RBFOX1: variants seen among roughly 807,000 people sequenced by gnomAD.
RBFOX1 encodes the protein RNA binding fox-1 homolog 1, also known as RNA binding protein fox-1 homolog 1.
A neutral mutation model predicts 57.7 loss-of-function variants in RBFOX1; 8 were observed. The ratio of observed to expected loss-of-function variants is 0.14; its 90% CI spans 0.08 to 0.25. RBFOX1 has a LOEUF of 0.25. Among genes scored for constraint, RBFOX1 ranks in the 10% least tolerant of loss-of-function variants. RBFOX1 has a pLI of 1.00. For missense variants in RBFOX1, 611 were observed against 548.5 expected (o/e 1.11, Z -1.14); for synonymous variants, 326 against 222.4 (o/e 1.47, Z -4.15).
At chr16:7,374,383 A>C (rs2097645338) in intron 4 of RBFOX1, among the ~76,000 whole-genome samples, 1 of 152,226 alleles carries the variant, frequency 6.6e-6, no homozygotes, top group South Asian at 2.1e-4. Flanking sequence ...CATTCCCCTC[A>C]AATGAATGTG....
chr16:6,397,642 G>C (rs1257745124), intron 2 of RBFOX1, among the ~76,000 whole-genome samples: 1 of 152,214 alleles, frequency 6.6e-6, no homozygotes, highest in African/African-American at 2.4e-5. Context: ...AATATAAAAG[G>C]TTATAATGCT....
chr16:6,861,912 C>A (rs1324034850), intron 3 of RBFOX1, among the ~76,000 whole-genome samples: 1 of 139,188 alleles, frequency 7.2e-6, no homozygotes, highest in Non-Finnish European at 1.5e-5. Context: ...AACAAGAGCT[C>A]TCTCTGGCAC....
intron 1 of RBFOX1, among the ~76,000 whole-genome samples, chr16:5,437,289 C>T (rs113085194): frequency 0.023 from 3,518 of 152,262 alleles, 160 homozygotes; most frequent in African/African-American, 0.081. Context: ...CATTGTCACT[C>T]TGCACAAAAG....
At chr16:5,995,783 GC>G (rs1464094757) in intron 4 of RBFOX1, among the ~76,000 whole-genome samples, 1 of 152,154 alleles carries the variant, frequency 6.6e-6, no homozygotes, top group Non-Finnish European at 1.5e-5. Flanking sequence ...TAGGGAGGGA[GC>G]TTGGGCATTC....
Position 7,514,153 on chromosome 16 carries a change from C to T in RBFOX1, c.28-3994C>T, listed in dbSNP as rs182204375. 2.4e-4 allele frequency among the ~76,000 whole-genome samples: 37 copies of T among 152,276 alleles called. No homozygotes were observed. The South Asian group carries it at 3.1e-3, about 13-fold the overall frequency. ...GATCATTCAGTCTTGGTGGGCTGGG[C>T]AGTCTCTGTCACAGCTATCCAACTC... On this transcript the variant is annotated intron_variant, in intron 4 of 15. Coordinates refer to ENST00000550418, the MANE Select transcript of RBFOX1 (RefSeq NM_018723.4).
intron 1 of RBFOX1, among the ~76,000 whole-genome samples, chr16:6,275,925 G>A (rs188126888): frequency 1.3e-5 from 2 of 152,118 alleles, no homozygotes; most frequent in Non-Finnish European, 2.9e-5. Flanking sequence ...CAGTTGATAC[G>A]TGATGGCAAG....
intron 2 of RBFOX1, among the ~76,000 whole-genome samples, chr16:6,652,487 C>T (rs560106336): frequency 2.0e-5 from 3 of 152,056 alleles, no homozygotes; most frequent in East Asian, 3.9e-4. Flanking sequence ...CTCCCTTTCT[C>T]TCTCTCTCAG....
At chr16:7,490,462 C>G (rs566279583) in intron 4 of RBFOX1, among the ~76,000 whole-genome samples, 1 of 152,264 alleles carries the variant, frequency 6.6e-6, no homozygotes, top group South Asian at 2.1e-4. Flanking sequence ...AATTTTCCAG[C>G]CAGCCAGGCT....
intron 1 of RBFOX1, among the ~76,000 whole-genome samples, chr16:6,138,783 C>G (rs922526094): frequency 3.3e-5 from 5 of 152,194 alleles, no homozygotes; most frequent in African/African-American, 2.4e-5. Flanking sequence ...AGGAGAATCG[C>G]TGGAACCCAG....
In RBFOX1 at chr16:7,388,830, G is replaced by A. The variant is rs369188642; in HGVS notation, c.28-129317G>A. On this transcript the variant is annotated intron_variant, in intron 4 of 15. Transcript: ENST00000550418. ...GTGTTTTGAGCTTCTTTAAGGTAGA[G>A]AAGACAAAGCTATGATGTTCAGTAG... Among the ~76,000 whole-genome samples, 21 of 152,112 alleles carry A rather than the reference G, an allele frequency of 1.4e-4. No individual in the cohort carries two copies. The East Asian group carries it at 3.7e-3, about 27-fold the overall frequency.
intron 3 of RBFOX1, among the ~76,000 whole-genome samples, chr16:6,753,256 G>A (rs1184883828): frequency 6.6e-6 from 1 of 152,188 alleles, no homozygotes; most frequent in Non-Finnish European, 1.5e-5. Context: ...TAAAATGCCA[G>A]TAGTAGAATA....
rs2084228611 is a variant in RBFOX1, at chr16:7,713,041, C to CT, written c.*2296_*2297insT. 6.6e-6 allele frequency: 1 copy of CT among 152,026 alleles called. No individual in the cohort carries two copies. The highest frequency in any genetic ancestry group is 1.5e-5 in the Non-Finnish European group (1 of 68,014). 9.4% of individuals were successfully genotyped at this position (152,026 alleles called of 1,614,324 possible). A position where few individuals can be genotyped will look rare whatever the true frequency, so the allele number is the denominator to read the frequency against. On this transcript the variant is annotated 3_prime_UTR_variant, in exon 16 of 16. Coordinates refer to ENST00000550418, the MANE Select transcript of RBFOX1 (RefSeq NM_018723.4). ...CTTTTGTCTAGGCACTCCAAGATGC[C>CT]AATAAGTCATTTTAAAATGTATGTC...
chr16:6,693,829 A>G (rs2060626485), intron 3 of RBFOX1, among the ~76,000 whole-genome samples: 1 of 152,196 alleles, frequency 6.6e-6, no homozygotes, highest in East Asian at 1.9e-4. Flanking sequence ...CTCCACTACC[A>G]TCACCACCAT....
chr16:6,125,201 G>C (rs1471538325), intron 1 of RBFOX1, among the ~76,000 whole-genome samples: 1 of 152,118 alleles, frequency 6.6e-6, no homozygotes, highest in Non-Finnish European at 1.5e-5. Flanking sequence ...TCATATCTTT[G>C]TCAAGCCCCC....
At chr16:7,183,244 A>G (rs1181968395) in intron 4 of RBFOX1, among the ~76,000 whole-genome samples, 2 of 152,276 alleles carry the variant, frequency 1.3e-5, no homozygotes, top group East Asian at 1.9e-4. Flanking sequence ...GGGGAGAAAA[A>G]GAAGCCATGG....
At chr16:6,431,109 G>C (rs914377787) in intron 2 of RBFOX1, among the ~76,000 whole-genome samples, 24 of 152,054 alleles carry the variant, frequency 1.6e-4, no homozygotes, top group Non-Finnish European at 3.1e-4. Flanking sequence ...TTGCACTGCA[G>C]TCTGGGTGAC....
chr16:7,137,829 G>T (rs1379034400), intron 4 of RBFOX1, among the ~76,000 whole-genome samples: 1 of 152,220 alleles, frequency 6.6e-6, no homozygotes, highest in Non-Finnish European at 1.5e-5. Flanking sequence ...GCAAATGTAT[G>T]TGCACAGGCT....
intron 4 of RBFOX1, among the ~76,000 whole-genome samples, chr16:7,270,407 A>G (rs1188239967): frequency 6.6e-6 from 1 of 152,234 alleles, no homozygotes; most frequent in East Asian, 1.9e-4. Context: ...TAAAAAAAAC[A>G]TCTAACAATG....
chr16:5,352,318 A>C (rs151244963), intron 1 of RBFOX1, among the ~76,000 whole-genome samples: 1 of 152,202 alleles, frequency 6.6e-6, no homozygotes, highest in African/African-American at 2.4e-5. Context: ...GTTCACATAC[A>C]TTTAACCTAT....
Sources: allele counts gnomAD v4.1 joint callset (sites outside exome capture counted in the v4.1 genomes callset), GRCh38; gene constraint gnomAD v4.1.1; transcripts MANE v1.5; gene names NCBI Gene and HGNC (gene_info 2026-07-23, HGNC 2026-07-21).